ZNF33A: variants seen among roughly 807,000 people sequenced by gnomAD.
ZNF33A encodes the protein zinc finger protein 33A.
ZNF33A carries 9 observed loss-of-function variants against 15.9 expected under a neutral mutation model. The ratio of observed to expected loss-of-function variants is 0.57; its 90% CI spans 0.34 to 0.99. The LOEUF is 0.99. Among genes scored for constraint, ZNF33A ranks in the 50% least tolerant of loss-of-function variants. The pLI, the probability that ZNF33A is intolerant of heterozygous loss-of-function variation, is 0.02. For missense variants in ZNF33A, 843 were observed against 941.6 expected, an observed-to-expected ratio of 0.90 and a Z score of 1.37; for synonymous variants, 294 against 324.2, an observed-to-expected ratio of 0.91 and a Z score of 1.00.
At chr10:38,027,489 C>T (rs1030747493) in intron 4 of ZNF33A, among the ~76,000 whole-genome samples, 1 of 151,820 alleles carries the variant, frequency 6.6e-6, no homozygotes, top group African/African-American at 2.4e-5. Flanking sequence ...GAGGGGACTA[C>T]AGCTGTATAC....
chr10:38,027,103 T>C (rs1051788756), intron 4 of ZNF33A, among the ~76,000 whole-genome samples: 3 of 152,234 alleles, frequency 2.0e-5, no homozygotes, highest in African/African-American at 7.2e-5. Flanking sequence ...GACCACACTG[T>C]TTGGATTACT....
chr10:38,019,240 G>C (rs1488680105), intron 4 of ZNF33A, among the ~76,000 whole-genome samples: 1 of 151,792 alleles, frequency 6.6e-6, no homozygotes, highest in East Asian at 1.9e-4. Flanking sequence ...GCAGTGTTTG[G>C]TTTTTTGGCT....
chr10:38,036,591 C>T (rs1195845498), intron 4 of ZNF33A, among the ~76,000 whole-genome samples: 1 of 152,054 alleles, frequency 6.6e-6, no homozygotes, highest in Non-Finnish European at 1.5e-5. Context: ...AGAGGAACTT[C>T]CTCAACTTGG....
At position 38,010,688 on chromosome 10, in the gene ZNF33A, C is replaced by G. The variant is rs568912340; in HGVS notation, c.-140C>G. 548 of 1,596,466 alleles carry G rather than the reference C, an allele frequency of 3.4e-4. 8 individuals are homozygous for G. The South Asian group carries it at 5.7e-3, about 17-fold the overall frequency. On this transcript the variant is annotated 5_prime_UTR_variant, in exon 1 of 5. Coordinates refer to ENST00000432900, the MANE Select transcript of ZNF33A (RefSeq NM_006954.2). ...GGCTACGTCTGCGTTTCCGCCTTTCCTTTTGTTTTTCTCAGGTTTTGCGTG... is the reference window on the plus strand; with the variant it reads ...GGCTACGTCTGCGTTTCCGCCTTTCGTTTTGTTTTTCTCAGGTTTTGCGTG...
At chr10:38,038,247 A>G (rs2065540368) in intron 4 of ZNF33A, among the ~76,000 whole-genome samples, 2 of 152,064 alleles carry the variant, frequency 1.3e-5, no homozygotes, top group South Asian at 2.1e-4. Flanking sequence ...CTACAGGCAC[A>G]TGCCACCAAG....
At position 38,051,044 on chromosome 10, in the gene ZNF33A, A is replaced by C. The variant is rs151276319; in HGVS notation, c.251-3331A>C. Reference sequence around the variant, plus strand: ...AAAATTTTGGATGAATCAAGTATTAACAAAGAAGTCAATTTTAAAAATAGT... The same window carrying C: ...AAAATTTTGGATGAATCAAGTATTACCAAAGAAGTCAATTTTAAAAATAGT... On this transcript the variant is annotated intron_variant, in intron 4 of 4. Coordinates refer to ENST00000432900, the MANE Select transcript of ZNF33A (RefSeq NM_006954.2). 9.2e-3 allele frequency among the ~76,000 whole-genome samples: 1,407 copies of C among 152,210 alleles called. 22 individuals carry two copies. The highest frequency in any genetic ancestry group is 0.032 in the African/African-American group (1,346 of 41,460).
chr10:38,049,266 A>C (rs141695920), intron 4 of ZNF33A, among the ~76,000 whole-genome samples: 1 of 152,124 alleles, frequency 6.6e-6, no homozygotes, highest in African/African-American at 2.4e-5. Context: ...ATTTACATAT[A>C]GGAAATTTAG....
At chr10:38,029,565 T>C (rs2065125823) in intron 4 of ZNF33A, among the ~76,000 whole-genome samples, 1 of 152,212 alleles carries the variant, frequency 6.6e-6, no homozygotes, top group African/African-American at 2.4e-5. Context: ...TTATAGTTCT[T>C]GTTTTTTGGT....
Position 38,017,378 on chromosome 10 carries a change from G to C in ZNF33A, c.242G>C (p.Ser81Thr). 1 of 1,613,478 alleles carries C rather than the reference G, an allele frequency of 6.2e-7. No individual in the cohort carries two copies. Residue 81 changes from serine (S) to threonine (T), a missense_variant, in exon 4 of 5, where the codon AGC becomes ACC. By Grantham distance (58) the Ser-to-Thr change is moderately conservative. Coordinates refer to ENST00000432900, the MANE Select transcript of ZNF33A (RefSeq NM_006954.2). ...WKQEEEFPSQ[S>T]FPEVWTADHL... is the part of the protein sequence containing the mutation. ...CAGGAGGAAGAATTCCCAAGCCAAAGCTTTCCAGGTGAGTTAATATGTACT... is the reference window on the plus strand; with the variant it reads ...CAGGAGGAAGAATTCCCAAGCCAAACCTTTCCAGGTGAGTTAATATGTACT...
rs1478003578 is a variant in ZNF33A, at chr10:38,058,614, A to G, written c.*2054A>G. ...GTGAAACCCCCTATCTACTAAAAAT[A>G]CAAAAAATTAGCTGGGCATGGTGGC... On this transcript the variant is annotated 3_prime_UTR_variant, in exon 5 of 5. Transcript: ENST00000432900. 6.6e-6 allele frequency: 1 copy of G among 152,190 alleles called. No individual in the cohort carries two copies. Among genetic ancestry groups the G allele is most frequent in the African/African-American group, 2.4e-5 (1 of 41,430 alleles). 9.4% of individuals were successfully genotyped at this position (152,190 alleles called of 1,614,324 possible).
chr10:38,027,345 A>G (rs2065029142), intron 4 of ZNF33A, among the ~76,000 whole-genome samples: 1 of 151,418 alleles, frequency 6.6e-6, no homozygotes, highest in African/African-American at 2.4e-5. Context: ...TCATTCATTT[A>G]TTCATTTGCA....
chr10:38,035,033 T>TCTTCC (rs1342475488), intron 4 of ZNF33A, among the ~76,000 whole-genome samples: 1 of 152,068 alleles, frequency 6.6e-6, no homozygotes, highest in African/African-American at 2.4e-5. Context: ...ATTCTAGCTT[T>TCTTCC]CTTCCCTTGC....
In ZNF33A at chr10:38,058,124, T is replaced by A; in HGVS notation, c.*1564T>A. ...ACTAGAAAAAGAAGAGCAAATTAAATCCAAAGTAACCTGAAAAAACATTAG... is the reference window on the plus strand; with the variant it reads ...ACTAGAAAAAGAAGAGCAAATTAAAACCAAAGTAACCTGAAAAAACATTAG... On this transcript the variant is annotated 3_prime_UTR_variant, in exon 5 of 5. Transcript: ENST00000432900. 3.4e-6 allele frequency: 3 copies of A among 887,614 alleles called. No individual in the cohort carries two copies. Among genetic ancestry groups the A allele is most frequent in the Non-Finnish European group, 4.0e-6 (3 of 740,934 alleles). 55.0% of individuals were successfully genotyped at this position (887,614 alleles called of 1,614,324 possible). A position where few individuals can be genotyped will look rare whatever the true frequency, so the allele number is the denominator to read the frequency against.
rs1130243 is a variant in ZNF33A at position 38,059,860 on chromosome 10, A to G, written c.*3300A>G. On this transcript the variant is annotated 3_prime_UTR_variant, in exon 5 of 5. Transcript: ENST00000432900. ...CAACTCTGGACTTCAGTTAATAATA[A>G]TGTATCACTGTTGGCTCATTAATTG... is the stretch of plus-strand genomic sequence containing the variant. 1 of 154,528 alleles carries G rather than the reference A, an allele frequency of 6.5e-6. No individual in the cohort carries two copies. The highest frequency in any genetic ancestry group is 2.4e-5 in the African/African-American group (1 of 41,494). 9.6% of individuals were successfully genotyped at this position (154,528 alleles called of 1,614,324 possible).
In ZNF33A at chr10:38,057,393, C is replaced by T. The variant is rs182402896; in HGVS notation, c.*833C>T. 4.8e-5 allele frequency: 47 copies of T among 985,260 alleles called. No individual in the cohort carries two copies. Among genetic ancestry groups the T allele is most frequent in the Middle Eastern group, 5.2e-4 (1 of 1,912 alleles). The allele number at this position is 985,260 out of a possible 1,614,324, so 61.0% of individuals were successfully genotyped here. On this transcript the variant is annotated 3_prime_UTR_variant, in exon 5 of 5. Coordinates refer to ENST00000432900, the MANE Select transcript of ZNF33A (RefSeq NM_006954.2). ...AGGGCAATAGCATTAAGCACATCTG[C>T]GAATTATCCCTGAAGTTCAAAAGAC... is the stretch of plus-strand genomic sequence containing the variant.
At chr10:38,062,478 G>T (rs558272890), downstream of ZNF33A, among the ~76,000 whole-genome samples, 2 of 152,164 alleles carry the variant, frequency 1.3e-5, no homozygotes, top group Non-Finnish European at 2.9e-5. Flanking sequence ...CCAATGCTGC[G>T]TAAGACATTT....
Position 38,054,946 on chromosome 10 carries a change from CTA to C in ZNF33A, c.824_825del (p.Tyr275Ter), listed in dbSNP as rs2066393849. The C allele has an allele frequency of 6.2e-7, 1 of 1,613,930 alleles. No individual in the cohort carries two copies. Reference protein sequence around the residue: ...HQISPSRDNHYEFSDCEKFLC... With the variant: ...HQISPSRDNHXEFSDCEKFLC... ...AGATATCTCCGTCAAGGGACAATCA[CTA>C]TGAATTTAGTGATTGTGAGAAGTTC... On this transcript the variant is annotated frameshift_variant, in exon 5 of 5. Coordinates refer to ENST00000432900, the MANE Select transcript of ZNF33A (RefSeq NM_006954.2). LOFTEE classifies it low-confidence loss of function (END_TRUNC).
chr10:38,036,554 T>A (rs1358955042), intron 4 of ZNF33A, among the ~76,000 whole-genome samples: 5 of 152,094 alleles, frequency 3.3e-5, no homozygotes, highest in Non-Finnish European at 2.9e-5. Flanking sequence ...CACCCATTCA[T>A]GATAAAACCG....
intron 1 of ZNF33A, 107 bp from the exon 2 acceptor site, chr10:38,012,191 G>A: frequency 9.2e-7 from 1 of 1,086,376 alleles, no homozygotes; most frequent in Non-Finnish European, 1.4e-6. Context: ...TCTCCCAGAG[G>A]AAGCATTTTA....
Sources: allele counts gnomAD v4.1 joint callset (sites outside exome capture counted in the v4.1 genomes callset), GRCh38; gene constraint gnomAD v4.1.1; transcripts MANE v1.5; gene names NCBI Gene and HGNC (gene_info 2026-07-23, HGNC 2026-07-21).